FGF10: variants seen among roughly 807,000 people sequenced by gnomAD.
The protein encoded by FGF10 is FGF-10.
Under a neutral mutation model 19.8 loss-of-function variants are expected in FGF10, and 2 were observed. The ratio of observed to expected loss-of-function variants is 0.10; its 90% confidence interval spans 0.04 to 0.32. The LOEUF is 0.32. Among genes scored for constraint, FGF10 ranks in the 10% least tolerant of loss-of-function variants. FGF10 has a pLI of 1.00. For synonymous variants in FGF10, 112 were observed against 94.0 expected (o/e 1.19, Z -1.10); for missense variants, 191 against 246.3 (o/e 0.78, Z 1.50).
chr5:44,360,630 G>A (rs754304360), intron 1 of FGF10, among the ~76,000 whole-genome samples: 8 of 151,570 alleles, frequency 5.3e-5, no homozygotes, highest in Middle Eastern at 6.3e-3. Context: ...TCAACAATTA[G>A]GAATTTTTAT....
At position 44,371,255 on chromosome 5, in the gene FGF10, G is replaced by A. The variant is rs71633125; in HGVS notation, c.325+17103C>T. 6.6e-3 allele frequency among the ~76,000 whole-genome samples: 1,006 copies of A among 152,180 alleles called. 8 individuals carry two copies. Among genetic ancestry groups the A allele is most frequent in the Non-Finnish European group, 6.9e-3 (467 of 68,000 alleles). On this transcript the variant is annotated intron_variant, in intron 1 of 2. Coordinates refer to ENST00000264664, the MANE Select transcript of FGF10 (RefSeq NM_004465.2). The stretch of plus-strand genomic sequence containing the variant: ...ACCACACTCAGCCCCTTTGATGTGT[G>A]ATGTTCTCTGCTGCCACGGTGCCCT...
At chr5:44,359,994 A>G (rs1425089683) in intron 1 of FGF10, among the ~76,000 whole-genome samples, 1 of 151,508 alleles carries the variant, frequency 6.6e-6, no homozygotes. Context: ...ACCTTGGAAT[A>G]CCTATATCCT....
chr5:44,362,033 T>C (rs1388810206), intron 1 of FGF10, among the ~76,000 whole-genome samples: 1 of 151,630 alleles, frequency 6.6e-6, no homozygotes, highest in Non-Finnish European at 1.5e-5. Flanking sequence ...TTGAAGAGAC[T>C]ATACTCTCTA....
intron 1 of FGF10, among the ~76,000 whole-genome samples, chr5:44,386,931 C>T (rs989056278): frequency 2.6e-5 from 4 of 152,146 alleles, no homozygotes; most frequent in African/African-American, 9.7e-5. Context: ...CCCATTAGTA[C>T]CTGGTACTTT....
intron 1 of FGF10, among the ~76,000 whole-genome samples, chr5:44,369,016 C>T (rs1561216936): frequency 6.6e-6 from 1 of 152,016 alleles, no homozygotes; most frequent in African/African-American, 2.4e-5. Context: ...TTTCCTATGA[C>T]TTTACAGGAG....
At chr5:44,327,693 G>A (rs944981257) in intron 1 of FGF10, among the ~76,000 whole-genome samples, 1 of 152,128 alleles carries the variant, frequency 6.6e-6, no homozygotes, top group African/African-American at 2.4e-5. Context: ...ACAACAAACA[G>A]CTTTCTCATC....
At chr5:44,329,982 A>G (rs2111754781) in intron 1 of FGF10, among the ~76,000 whole-genome samples, 1 of 152,298 alleles carries the variant, frequency 6.6e-6, no homozygotes, top group Middle Eastern at 3.4e-3. Context: ...AAGCCACATT[A>G]ATAGCAGTTT....
intron 1 of FGF10, among the ~76,000 whole-genome samples, chr5:44,323,230 A>G (rs995191616): frequency 7.2e-5 from 11 of 152,142 alleles, no homozygotes; most frequent in Non-Finnish European, 1.3e-4. Context: ...GAAATACAAG[A>G]AGAGAGCATC....
At chr5:44,335,017 GATTTA>G (rs1407871202) in intron 1 of FGF10, among the ~76,000 whole-genome samples, 1 of 152,032 alleles carries the variant, frequency 6.6e-6, no homozygotes, top group African/African-American at 2.4e-5. Context: ...TATTGTATTT[GATTTA>G]ATTTAATCTT....
intron 1 of FGF10, among the ~76,000 whole-genome samples, chr5:44,329,387 G>C (rs7729028): frequency 0.023 from 3,505 of 152,196 alleles, 159 homozygotes; most frequent in African/African-American, 0.08. Context: ...ATGTTTGTCA[G>C]GCTGGTCTCA....
chr5:44,344,865 T>A (rs1474699691), intron 1 of FGF10, among the ~76,000 whole-genome samples: 3 of 151,894 alleles, frequency 2.0e-5, no homozygotes, highest in African/African-American at 7.2e-5. Flanking sequence ...ATAATAGCAC[T>A]TGTATATTCC....
intron 2 of FGF10, among the ~76,000 whole-genome samples, chr5:44,306,124 G>A (rs1014316259): frequency 5.9e-5 from 9 of 152,116 alleles, no homozygotes; most frequent in Non-Finnish European, 7.4e-5. Flanking sequence ...AGTAGCCTCC[G>A]CAGTGCCTCA....
chr5:44,345,555 C>G (rs1442607065), intron 1 of FGF10, among the ~76,000 whole-genome samples: 1 of 151,332 alleles, frequency 6.6e-6, no homozygotes, highest in Non-Finnish European at 1.5e-5. Flanking sequence ...AAATTTCTCT[C>G]CTTTTTTTTC....
In FGF10 at chr5:44,382,257, G is replaced by A. The variant is rs1742001726; in HGVS notation, c.325+6101C>T. Among the ~76,000 whole-genome samples the A allele has an allele frequency of 2.6e-5, 4 of 152,170 alleles. 1 individual carries two copies. The highest frequency in any genetic ancestry group is 1.9e-4 in the East Asian group (1 of 5,170). ...TGTATTGTGCCAATTAGAACACAGC[G>A]TTCAAAGAAAGAACACAATTGATCT... On this transcript the variant is annotated intron_variant, in intron 1 of 2. Coordinates refer to ENST00000264664, the MANE Select transcript of FGF10 (RefSeq NM_004465.2).
intron 1 of FGF10, among the ~76,000 whole-genome samples, chr5:44,349,666 G>A (rs1445417859): frequency 8.3e-6 from 1 of 120,688 alleles, no homozygotes; most frequent in Non-Finnish European, 1.8e-5. Context: ...TTTTGCTAAG[G>A]CTAAATATAT....
intron 1 of FGF10, among the ~76,000 whole-genome samples, chr5:44,377,117 T>C (rs747121445): frequency 1.3e-5 from 2 of 152,212 alleles, no homozygotes; most frequent in Non-Finnish European, 1.5e-5. Flanking sequence ...CACACACTTA[T>C]GTGCCTTCGT....
chr5:44,380,964 T>C (rs1048322228), intron 1 of FGF10, among the ~76,000 whole-genome samples: 4 of 152,218 alleles, frequency 2.6e-5, no homozygotes, highest in African/African-American at 9.6e-5. Context: ...CAAAATCATC[T>C]TCACTTTCTT....
chr5:44,356,024 C>T (rs1741339715), intron 1 of FGF10, among the ~76,000 whole-genome samples: 1 of 151,402 alleles, frequency 6.6e-6, no homozygotes, highest in South Asian at 2.1e-4. Context: ...GCATTTAATT[C>T]CAGCTCCATT....
intron 1 of FGF10, among the ~76,000 whole-genome samples, chr5:44,361,971 C>T (rs1008565580): frequency 1.9e-4 from 29 of 151,696 alleles, no homozygotes; most frequent in African/African-American, 7.0e-4. Flanking sequence ...TTTATTTTTC[C>T]CAAACAAATC....
Sources: gnomAD v4.1 joint callset for allele counts (sites outside exome capture counted in the v4.1 genomes callset) on GRCh38, gnomAD v4.1.1 for gene constraint, MANE v1.5 for transcripts, NCBI Gene and HGNC (gene_info 2026-07-23, HGNC 2026-07-21) for gene names.